Variants in LY6G6C observed in about 807,000 individuals in gnomAD.
LY6G6C encodes lymphocyte antigen 6 complex locus protein G6c.
Under a neutral mutation model 12.8 loss-of-function variants are expected in LY6G6C, and 12 were observed. That is an observed-to-expected ratio of 0.94 (90% confidence interval 0.60 to 1.52). The LOEUF (loss-of-function observed/expected upper bound fraction) is 1.52, where lower values mean the gene tolerates loss of function less well. LY6G6C is among the 40% of genes most tolerant of loss of function. The probability of loss-of-function intolerance (pLI) is 0.00; values close to 1 mark genes in which losing one functional copy is unlikely to be tolerated. For synonymous variants in LY6G6C, 42 were observed against 61.6 expected (o/e 0.68, Z 1.49); for missense variants, 125 against 155.8 (o/e 0.80, Z 1.05).
chr6:31,719,395 G>A, intron 2 of LY6G6C, 85 bp from the exon 3 acceptor site: 1 of 1,183,080 alleles, frequency 8.5e-7, no homozygotes, highest in South Asian at 1.2e-5. Flanking sequence ...CACCCACCTA[G>A]GCTTCCTTCC....
Position 31,719,044 on chromosome 6 carries a change from G to A in LY6G6C, c.*52C>T. On this transcript the variant is annotated 3_prime_UTR_variant, in exon 3 of 3. Transcript: ENST00000375819. ...GCCAGGGGATACAGAGACACAGGGA[G>A]AGAGGCTCAGGCCAAGGCAGGTGGG... The A allele has an allele frequency of 6.8e-7, 1 of 1,474,240 alleles. No individual in the cohort carries two copies. Among genetic ancestry groups the A allele is most frequent in the Non-Finnish European group, 9.4e-7 (1 of 1,058,618 alleles). The allele number at this position is 1,474,240 out of a possible 1,614,324, so 91.3% of individuals were successfully genotyped here.
chr6:31,721,502 G>C (rs929238868), intron 1 of LY6G6C, 126 bp downstream of exon 1: 3 of 779,520 alleles, frequency 3.8e-6, no homozygotes, highest in Admixed American at 4.8e-5. Flanking sequence ...TGGCACAGGA[G>C]AGCTGAGCCA....
Position 31,721,726 on chromosome 6 carries a change from G to C in LY6G6C, c.-47C>G. ...GGCAACCACAGCAGCTGATAGAGTA[G>C]ATTTTCAAGGATCCAGCTCTAGGAG... On this transcript the variant is annotated 5_prime_UTR_variant, in exon 1 of 3. In the 5' UTR this introduces an upstream ATG that the reference lacks. Transcript: ENST00000375819. 6.3e-7 allele frequency: 1 copy of C among 1,598,744 alleles called. No homozygotes were observed. Among genetic ancestry groups the C allele is most frequent in the South Asian group, 1.1e-5 (1 of 90,604 alleles).
rs374302350 is a variant in LY6G6C, at chr6:31,721,656, G to A, written c.24C>T (p.Thr8=). ...AGACCCAGCAGAGCAGAACAGACAGGGTGAGCAGCATAAGGGCTTTCATGG... is the reference window on the plus strand; with the variant it reads ...AGACCCAGCAGAGCAGAACAGACAGAGTGAGCAGCATAAGGGCTTTCATGG... The part of the protein sequence containing the change: MKALMLL[T]LSVLLCWVSA... Residue 8 remains threonine, a synonymous_variant, in exon 1 of 3, where the codon ACC becomes ACT. Coordinates refer to ENST00000375819, the MANE Select transcript of LY6G6C (RefSeq NM_025261.3). The A allele has an allele frequency of 6.8e-6, 11 of 1,614,042 alleles. No homozygotes were observed. The African/African-American group carries it at 1.2e-4, about 18-fold the overall frequency.
chr6:31,719,832 C>T (rs145979200), intron 2 of LY6G6C, among the ~76,000 whole-genome samples: 203 of 152,258 alleles, frequency 1.3e-3, no homozygotes, highest in African/African-American at 4.0e-3. Flanking sequence ...CCACCATGCC[C>T]GGCTGTGTTA....
rs745343368 is a variant in LY6G6C, at chr6:31,719,169, G to A, written c.305C>T (p.Pro102Leu). ...CNKDNCNSAG[P>L]RPTPALGLVF... ...AAGGCCCAGGGCTGGAGTGGGCCGG[G>A]GTCCTGCGCTGTTGCAGTTGTCCTT... The change falls in exon 3 of 3, where the codon CCC becomes CTC. Residue 102 changes from proline (P) to leucine (L), a missense_variant. Coordinates refer to ENST00000375819, the MANE Select transcript of LY6G6C (RefSeq NM_025261.3). 6.2e-7 allele frequency: 1 copy of A among 1,614,102 alleles called. No individual in the cohort carries two copies. The highest frequency in any genetic ancestry group is 8.5e-7 in the Non-Finnish European group (1 of 1,180,004).
intron 2 of LY6G6C, 33 bp from the exon 3 acceptor site, chr6:31,719,343 G>A (rs764096842): frequency 8.1e-6 from 13 of 1,597,324 alleles, no homozygotes; most frequent in African/African-American, 2.7e-5. Flanking sequence ...AATCGGCCAG[G>A]ATGGGCACCT....
intron 2 of LY6G6C, 105 bp from the exon 3 acceptor site, chr6:31,719,415 C>T: frequency 1.1e-6 from 1 of 896,808 alleles, no homozygotes; most frequent in Non-Finnish European, 1.8e-6. Context: ...CTTCCCAACT[C>T]TGTCCCTGGC....
At chr6:31,719,986 C>T in intron 2 of LY6G6C, 107 bp downstream of exon 2, 1 of 719,630 alleles carries the variant, frequency 1.4e-6, no homozygotes, top group Non-Finnish European at 2.4e-6. Context: ...ATTATCATTG[C>T]TATAATCCTC....
Position 31,720,188 on chromosome 6 carries a change from T to G in LY6G6C, c.68A>C (p.His23Pro). The G allele has an allele frequency of 6.2e-7, 1 of 1,612,392 alleles. No homozygotes were observed. The highest frequency in any genetic ancestry group is 8.5e-7 in the Non-Finnish European group (1 of 1,179,582). Residue 23 changes from histidine (H) to proline (P), a missense_variant, in exon 2 of 3, where the codon CAC becomes CCC. By Grantham distance (77) the His-to-Pro change is moderately conservative. Coordinates refer to ENST00000375819, the MANE Select transcript of LY6G6C (RefSeq NM_025261.3). The surrounding 1 kb of genome is among the most constrained non-coding windows in gnomAD (Gnocchi z 4.9). ...CAGCACAGGGACCTTGTAGCAGGAGTGACAGCGAATGTCAGCTGGGAAGAC... is the reference window on the plus strand; with the variant it reads ...CAGCACAGGGACCTTGTAGCAGGAGGGACAGCGAATGTCAGCTGGGAAGAC... ...LCWVSADIRC[H>P]SCYKVPVLGC...
At chr6:31,719,362 T>G (rs760325256) in intron 2 of LY6G6C, 52 bp from the exon 3 acceptor site, 10 of 1,508,754 alleles carry the variant, frequency 6.6e-6, no homozygotes, top group Non-Finnish European at 9.2e-6. Context: ...CTGGCATGCC[T>G]GTGTCCACCT....
rs148542263 is a variant in LY6G6C, at chr6:31,719,177, G to A, written c.297C>T (p.Ser99=). The change falls in exon 3 of 3, where the codon AGC becomes AGT. Residue 99 remains serine, a synonymous_variant. Coordinates refer to ENST00000375819, the MANE Select transcript of LY6G6C (RefSeq NM_025261.3). Reference sequence around the variant, plus strand: ...GGGCTGGAGTGGGCCGGGGTCCTGCGCTGTTGCAGTTGTCCTTGTTGCAGC... The same window carrying A: ...GGGCTGGAGTGGGCCGGGGTCCTGCACTGTTGCAGTTGTCCTTGTTGCAGC... ...TTCCNKDNCN[S]AGPRPTPALG... is the part of the protein sequence containing the mutation. The A allele has an allele frequency of 1.7e-4, 275 of 1,614,100 alleles. No homozygotes were observed. Among genetic ancestry groups the A allele is most frequent in the Non-Finnish European group, 2.2e-4 (260 of 1,180,006 alleles).
In LY6G6C at chr6:31,719,279, A is replaced by T. The variant is rs757165402; in HGVS notation, c.195T>A (p.Cys65Ter). The T allele has an allele frequency of 1.6e-5, 26 of 1,614,172 alleles. No individual in the cohort carries two copies. In the South Asian group the frequency reaches 1.6e-4, roughly 10 times the overall value. ...GKMWVFSNLR[C>*]GTPEEPCQEA... ...CCTGACAGGGCTCTTCTGGTGTGCC[A>T]CAGCGCAGATTGGAGAAAACCCACA... The change falls in exon 3 of 3, where the codon TGT becomes TGA. Residue 65 changes from cysteine (C) to a stop codon, truncating the protein, a stop_gained. Coordinates refer to ENST00000375819, the MANE Select transcript of LY6G6C (RefSeq NM_025261.3). LOFTEE classifies it high-confidence loss of function.
At chr6:31,719,533 GT>G (rs953320155) in intron 2 of LY6G6C, among the ~76,000 whole-genome samples, 23 of 152,106 alleles carry the variant, frequency 1.5e-4, no homozygotes, top group African/African-American at 5.5e-4. Flanking sequence ...TACTGTCTCT[GT>G]TTTTTGTTTT....
At position 31,719,316 on chromosome 6, in the gene LY6G6C, G is replaced by T. The variant is rs1806657859; in HGVS notation, c.164-6C>A. The T allele has an allele frequency of 6.2e-7, 1 of 1,613,316 alleles. No homozygotes were observed. The highest frequency in any genetic ancestry group is 1.1e-5 in the South Asian group (1 of 91,074). ...GGAGAAAACCCACATCTTACCTAGG[G>T]GTGGGAATGGGCAGGGAATCGGCCA... On this transcript the variant is annotated splice_polypyrimidine_tract_variant and splice_region_variant and intron_variant, in intron 2 of 2. Coordinates refer to ENST00000375819, the MANE Select transcript of LY6G6C (RefSeq NM_025261.3).
At position 31,719,257 on chromosome 6, in the gene LY6G6C, G is replaced by C. The variant is rs2151293527; in HGVS notation, c.217C>G (p.Gln73Glu). ...CGGTTGGTTTGGTTGAAGGCCTCCTGACAGGGCTCTTCTGGTGTGCCACAG... is the reference window on the plus strand; with the variant it reads ...CGGTTGGTTTGGTTGAAGGCCTCCTCACAGGGCTCTTCTGGTGTGCCACAG... ...LRCGTPEEPC[Q>E]EAFNQTNRKL... The change falls in exon 3 of 3, where the codon CAG becomes GAG. Residue 73 changes from glutamine to glutamate, a missense_variant. By Grantham distance (29) the Gln-to-Glu change is conservative. Transcript: ENST00000375819. The C allele has an allele frequency of 6.2e-7, 1 of 1,614,158 alleles. No homozygotes were observed. The highest frequency in any genetic ancestry group is 2.2e-5 in the East Asian group (1 of 44,884).
At position 31,721,628 on chromosome 6, in the gene LY6G6C, C is replaced by T. The variant is rs1043326954; in HGVS notation, c.52G>A (p.Ala18Thr). ...TLSVLLCWVS[A>T]DIRCHSCYKV... ...GTCTTTGGGGCCCCCAGGTGCTCAC[C>T]TGAGACCCAGCAGAGCAGAACAGAC... The change falls in exon 1 of 3, where the codon GCT (alanine) becomes ACT (threonine). Residue 18 changes from alanine to threonine, a missense_variant and splice_region_variant. Coordinates refer to ENST00000375819, the MANE Select transcript of LY6G6C (RefSeq NM_025261.3). The T allele has an allele frequency of 5.0e-5, 80 of 1,613,630 alleles. No individual in the cohort carries two copies. The highest frequency in any genetic ancestry group is 6.4e-5 in the Non-Finnish European group (76 of 1,179,866).
At chr6:31,721,575 G>C in intron 1 of LY6G6C, 53 bp downstream of exon 1, 1 of 1,556,348 alleles carries the variant, frequency 6.4e-7, no homozygotes, top group Non-Finnish European at 8.9e-7. Context: ...GTAGAGCAGG[G>C]TGTAAAGGTC....
intron 1 of LY6G6C, among the ~76,000 whole-genome samples, chr6:31,721,390 G>A (rs1156274386): frequency 6.6e-6 from 1 of 152,124 alleles, no homozygotes; most frequent in Non-Finnish European, 1.5e-5. Context: ...AGCCCTGGCA[G>A]GTGAGAGAAA....
Sources: allele counts gnomAD v4.1 joint callset (sites outside exome capture counted in the v4.1 genomes callset), GRCh38; gene constraint gnomAD v4.1.1; non-coding constraint Gnocchi (gnomAD v3.1); transcripts MANE v1.5; gene names NCBI Gene and HGNC (gene_info 2026-07-23, HGNC 2026-07-21).